The following WDR25 variants were observed in gnomAD, a reference collection of about 807,000 sequenced individuals.
WDR25 encodes WD repeat-containing protein 25.
A neutral mutation model predicts 47.7 loss-of-function variants in WDR25; 35 were observed. The observed-to-expected ratio is 0.73, with a 90% confidence interval of 0.56 to 0.97. WDR25 has a LOEUF of 0.97. Among genes scored for constraint, WDR25 ranks in the 50% least tolerant of loss-of-function variants. WDR25 has a pLI of 0.00. For synonymous variants in WDR25, 248 were observed against 278.9 expected, an observed-to-expected ratio of 0.89 and a Z score of 1.10; for missense variants, 634 against 704.7, an observed-to-expected ratio of 0.90 and a Z score of 1.14.
chr14:100,422,067 A>T (rs1898042158), intron 2 of WDR25, among the ~76,000 whole-genome samples: 1 of 152,220 alleles, frequency 6.6e-6, no homozygotes, highest in African/African-American at 2.4e-5. Flanking sequence ...TAAACTTAGT[A>T]GCTTAAAACA....
rs1326553517 is a variant in WDR25, at chr14:100,424,896, C to G, written c.823-43125C>G. Among the ~76,000 whole-genome samples, 1 of 152,160 alleles carries G rather than the reference C, an allele frequency of 6.6e-6. No homozygotes were observed. Among genetic ancestry groups the G allele is most frequent in the Non-Finnish European group, 1.5e-5 (1 of 68,028 alleles). On this transcript the variant is annotated intron_variant, in intron 2 of 6. Coordinates refer to ENST00000402312, the MANE Select transcript of WDR25 (RefSeq NM_001161476.3). This position sits in a 1 kb window ranked among gnomAD's most constrained non-coding sequence, Gnocchi z 4.2. ...TTCCCAGGACATGTGCTCCTGTTGC[C>G]CTGCCCCTCCTGGCATAATATCCCA...
intron 2 of WDR25, among the ~76,000 whole-genome samples, chr14:100,410,926 G>A (rs1897690218): frequency 6.6e-6 from 1 of 151,820 alleles, no homozygotes; most frequent in African/African-American, 2.4e-5. Context: ...GGGACTACAG[G>A]TGTGCACCAC....
intron 2 of WDR25, among the ~76,000 whole-genome samples, chr14:100,464,816 A>C (rs1899565129): frequency 1.7e-5 from 2 of 115,110 alleles, no homozygotes; most frequent in South Asian, 3.1e-4. Context: ...CTTTTACCCC[A>C]TCTGCTCTCC....
At chr14:100,472,233 T>C (rs115866229) in intron 3 of WDR25, among the ~76,000 whole-genome samples, 2 of 152,366 alleles carry the variant, frequency 1.3e-5, no homozygotes, top group African/African-American at 4.8e-5. Context: ...CAGGGAACCC[T>C]GTCCTCCTTC....
At chr14:100,513,096 G>A (rs910436744) in intron 4 of WDR25, among the ~76,000 whole-genome samples, 3 of 152,196 alleles carry the variant, frequency 2.0e-5, no homozygotes, top group African/African-American at 4.8e-5. Flanking sequence ...ATTACGTCAA[G>A]TTGGTTGATA....
intron 2 of WDR25, among the ~76,000 whole-genome samples, chr14:100,421,494 G>A (rs1323748422): frequency 6.6e-6 from 1 of 152,162 alleles, no homozygotes; most frequent in Non-Finnish European, 1.5e-5. Flanking sequence ...CCTTGGCTGA[G>A]TAGAAATGAG....
At chr14:100,524,362 C>T (rs1480804714) in intron 4 of WDR25, among the ~76,000 whole-genome samples, 1 of 152,138 alleles carries the variant, frequency 6.6e-6, no homozygotes, top group Non-Finnish European at 1.5e-5. Context: ...CGTCATCTTC[C>T]TCATCCTTTC....
rs541693528 is a variant in WDR25, at chr14:100,383,605, G to A, written c.822+1859G>A. 2.0e-4 allele frequency among the ~76,000 whole-genome samples: 31 copies of A among 152,370 alleles called. No individual in the cohort carries two copies. The South Asian group carries it at 5.0e-3, about 24-fold the overall frequency. Reference sequence around the variant, plus strand: ...GTGGGACTGGCCTTCGCCTGGTGGCGTGAAGTGCTCCCTGGGCCCTGCTGG... The same window carrying A: ...GTGGGACTGGCCTTCGCCTGGTGGCATGAAGTGCTCCCTGGGCCCTGCTGG... On this transcript the variant is annotated intron_variant, in intron 2 of 6. Transcript: ENST00000402312.
Position 100,529,509 on chromosome 14 carries a change from T to G in WDR25, c.1413+301T>G. The G allele has an allele frequency of 1.7e-6, 1 of 590,130 alleles. No homozygotes were observed. The highest frequency in any genetic ancestry group is 3.0e-6 in the Non-Finnish European group (1 of 333,540). The allele number at this position is 590,130 out of a possible 1,614,324, so 36.6% of individuals were successfully genotyped here. ...TGGGTGTCATTTCTGCATCCTTCCCTTTCCTCACTGAGGCCAAGCCTTGCT... is the reference window on the plus strand; with the variant it reads ...TGGGTGTCATTTCTGCATCCTTCCCGTTCCTCACTGAGGCCAAGCCTTGCT... On this transcript the variant is annotated intron_variant, in intron 6 of 6. Coordinates refer to ENST00000402312, the MANE Select transcript of WDR25 (RefSeq NM_001161476.3). The surrounding 1 kb of genome is among the most constrained non-coding windows in gnomAD (Gnocchi z 5.1).
Position 100,381,532 on chromosome 14 carries a change from C to CT in WDR25, c.609dup (p.Ala204CysfsTer16). On this transcript the variant is annotated frameshift_variant, in exon 2 of 7. Coordinates refer to ENST00000402312, the MANE Select transcript of WDR25 (RefSeq NM_001161476.3). LOFTEE classifies it high-confidence loss of function. ...AAAGACGTGGAGCCACAGGGGCCCC[C>CT]TGCAGGGCGTGCCCCAGCCCCTCTC... 6.2e-7 allele frequency: 1 copy of CT among 1,613,824 alleles called. No homozygotes were observed. The highest frequency in any genetic ancestry group is 1.1e-5 in the South Asian group (1 of 91,064).
rs1379333183 is a variant in WDR25 at position 100,407,881 on chromosome 14, C to T, written c.822+26135C>T. 6.7e-6 allele frequency among the ~76,000 whole-genome samples: 1 copy of T among 148,790 alleles called. No homozygotes were observed. Among genetic ancestry groups the T allele is most frequent in the African/African-American group, 2.6e-5 (1 of 38,464 alleles). ...ATTGTCTGTGAGTGTGCTGGGCTCC[C>T]AGACACATATGTCACAGTGAGCTGT... On this transcript the variant is annotated intron_variant, in intron 2 of 6. Coordinates refer to ENST00000402312, the MANE Select transcript of WDR25 (RefSeq NM_001161476.3). The surrounding 1 kb of genome is among the most constrained non-coding windows in gnomAD (Gnocchi z 4.1).
Position 100,407,079 on chromosome 14 carries a change from T to G in WDR25, c.822+25333T>G, listed in dbSNP as rs1372006861. ...GCGAGTTGAGCCCAGAAGACAAAGG[T>G]CGCTGAAGTCCTTCCAGGAGAAGAA... is the stretch of plus-strand genomic sequence containing the variant. On this transcript the variant is annotated intron_variant, in intron 2 of 6. Transcript: ENST00000402312. The surrounding 1 kb of genome is among the most constrained non-coding windows in gnomAD (Gnocchi z 4.1). The G allele has an allele frequency of 1.3e-5, 2 of 152,232 alleles. No individual in the cohort carries two copies. The highest frequency in any genetic ancestry group is 2.9e-5 in the Non-Finnish European group (2 of 68,054). 9.4% of individuals were successfully genotyped at this position (152,232 alleles called of 1,614,324 possible).
intron 2 of WDR25, among the ~76,000 whole-genome samples, chr14:100,427,102 C>A (rs1365725276): frequency 6.6e-6 from 1 of 152,148 alleles, no homozygotes; most frequent in Non-Finnish European, 1.5e-5. Flanking sequence ...TGGGGCCCTC[C>A]TCCTCCTCCT....
rs527457206 is a variant in WDR25 at position 100,458,645 on chromosome 14, A to G, written c.823-9376A>G. Among the ~76,000 whole-genome samples the G allele has an allele frequency of 2.0e-4, 30 of 152,284 alleles. No individual in the cohort carries two copies. The South Asian group carries it at 5.8e-3, about 29-fold the overall frequency. Reference sequence around the variant, plus strand: ...TTGCCCATGGAATGTCCACCAAGAGAGACCATATAAAACAAGTCTCAGTGT... The same window carrying G: ...TTGCCCATGGAATGTCCACCAAGAGGGACCATATAAAACAAGTCTCAGTGT... On this transcript the variant is annotated intron_variant, in intron 2 of 6. Transcript: ENST00000402312.
chr14:100,461,525 T>C (rs187892094), intron 2 of WDR25, among the ~76,000 whole-genome samples: 41 of 152,302 alleles, frequency 2.7e-4, no homozygotes, highest in African/African-American at 9.9e-4. Flanking sequence ...TGTTCATGGA[T>C]TGGGAGACTC....
intron 4 of WDR25, among the ~76,000 whole-genome samples, chr14:100,516,901 G>A (rs974122684): frequency 6.6e-6 from 1 of 150,546 alleles, no homozygotes; most frequent in Non-Finnish European, 1.5e-5. Flanking sequence ...ACTTTGGCCT[G>A]TCATGTTATT....
intron 4 of WDR25, among the ~76,000 whole-genome samples, chr14:100,521,793 C>T (rs778275822): frequency 1.1e-4 from 17 of 152,156 alleles, no homozygotes; most frequent in Non-Finnish European, 2.1e-4. Flanking sequence ...GTTGCTGGGT[C>T]ATGCATATTG....
chr14:100,396,136 C>G (rs1322984412), intron 2 of WDR25, among the ~76,000 whole-genome samples: 1 of 151,982 alleles, frequency 6.6e-6, no homozygotes, highest in Non-Finnish European at 1.5e-5. Context: ...ACCACCACGC[C>G]CGGCTAATTT....
chr14:100,459,093 G>A (rs927178040), intron 2 of WDR25, among the ~76,000 whole-genome samples: 5 of 152,164 alleles, frequency 3.3e-5, no homozygotes, highest in Admixed American at 6.5e-5. Flanking sequence ...GAAACAAAAA[G>A]TTGGTTCTTT....
Sources: allele counts gnomAD v4.1 joint callset (sites outside exome capture counted in the v4.1 genomes callset), GRCh38; gene constraint gnomAD v4.1.1; non-coding constraint Gnocchi (gnomAD v3.1); transcripts MANE v1.5; gene names NCBI Gene and HGNC (gene_info 2026-07-23, HGNC 2026-07-21).